The following DIS3 variants were observed in gnomAD, a reference collection of about 807,000 sequenced individuals.
DIS3 encodes the protein exosome complex exonuclease RRP44.
In DIS3, 103 loss-of-function variants were observed where a neutral mutation model predicts 113.0. The observed-to-expected ratio is 0.91, with a 90% CI of 0.78 to 1.07. The LOEUF (loss-of-function observed/expected upper bound fraction) is 1.07. DIS3 is among the 50% of genes least tolerant of loss of function. The pLI, the probability that DIS3 is intolerant of heterozygous loss-of-function variation, is 0.00. For missense variants in DIS3, 1,121 were observed against 1,167.1 expected, an observed-to-expected ratio of 0.96 and a Z score of 0.58; for synonymous variants, 402 against 394.3, an observed-to-expected ratio of 1.02 and a Z score of -0.23.
chr13:72,768,969 A>C (rs2033821624), intron 13 of DIS3, 57 bp from the exon 14 acceptor site: 1 of 1,202,260 alleles, frequency 8.3e-7, no homozygotes, highest in Non-Finnish European at 1.2e-6. Context: ...AATGGTTTTC[A>C]ATATGTCCTC....
chr13:72,775,055 T>C (rs916041554), intron 6 of DIS3, among the ~76,000 whole-genome samples, 156 bp downstream of exon 6: 1 of 152,082 alleles, frequency 6.6e-6, no homozygotes, highest in Non-Finnish European at 1.5e-5. Context: ...GAAAACTACA[T>C]AGAAGAGAAA....
rs2034064656 is a variant in DIS3 at position 72,778,124 on chromosome 13, C to T, written c.580+63G>A. 9.5e-6 allele frequency: 13 copies of T among 1,361,538 alleles called. No homozygotes were observed. The South Asian group carries it at 1.9e-4, about 20-fold the overall frequency. 84.3% of individuals were successfully genotyped at this position (1,361,538 alleles called of 1,614,324 possible). On this transcript the variant is annotated intron_variant, in intron 3 of 20. Coordinates refer to ENST00000377767, the MANE Select transcript of DIS3 (RefSeq NM_014953.5). ...AGTAAAGTGAACATCTGACTATAGG[C>T]CTAATGATTATTTTTACACGCATTT...
Position 72,759,675 on chromosome 13 carries a change from A to G in DIS3, c.*120T>C. On this transcript the variant is annotated 3_prime_UTR_variant, in exon 21 of 21. Transcript: ENST00000377767. ...TGTTCAATAAAAATGCAGATGTCTG[A>G]AATTATTAAAATGTACTTAAAAGTA... The G allele has an allele frequency of 1.4e-6, 1 of 731,372 alleles. No individual in the cohort carries two copies. Among genetic ancestry groups the G allele is most frequent in the Non-Finnish European group, 2.2e-6 (1 of 451,034 alleles). The allele number at this position is 731,372 out of a possible 1,614,324, so 45.3% of individuals were successfully genotyped here. A position where few individuals can be genotyped will look rare whatever the true frequency, so the allele number is the denominator to read the frequency against.
intron 3 of DIS3, 149 bp downstream of exon 3, chr13:72,778,038 G>C: frequency 1.3e-6 from 1 of 773,188 alleles, no homozygotes; most frequent in African/African-American, 1.7e-5. Flanking sequence ...TAAAAACTAT[G>C]TGAAATTTAA....
chr13:72,771,739 G>A (rs1449574521), intron 11 of DIS3, 56 bp downstream of exon 11: 21 of 1,524,206 alleles, frequency 1.4e-5, no homozygotes, highest in Non-Finnish European at 1.7e-5. Context: ...ATTCATGGCC[G>A]TTTAAGAATC....
chr13:72,764,024 C>G (rs1165313460), intron 15 of DIS3, among the ~76,000 whole-genome samples: 1 of 152,018 alleles, frequency 6.6e-6, no homozygotes, highest in East Asian at 1.9e-4. Context: ...TGGTGGCACA[C>G]TCCTGTAGTC....
At position 72,753,773 on chromosome 13, in the gene DIS3, T is replaced by G. The variant is rs778613801; in HGVS notation, c.*6022A>C. The G allele has an allele frequency of 3.7e-6, 6 of 1,613,552 alleles. No homozygotes were observed. The highest frequency in any genetic ancestry group is 1.1e-5 in the South Asian group (1 of 91,060). ...CAGAAAGTTACTGCAAAGAAAGTGA[T>G]GCACAAACATGTGAAGTTGAGAGTA... is the stretch of plus-strand genomic sequence containing the variant. On this transcript the variant is annotated 3_prime_UTR_variant, in exon 21 of 21. Transcript: ENST00000377767.
intron 20 of DIS3, 96 bp downstream of exon 20, chr13:72,760,433 C>T (rs544937159): frequency 1.4e-6 from 2 of 1,478,460 alleles, no homozygotes; most frequent in South Asian, 1.2e-5. Flanking sequence ...TTACAGGGTT[C>T]CCTCTAACAT....
intron 20 of DIS3, 127 bp from the exon 21 acceptor site, chr13:72,760,005 G>T: frequency 1.4e-6 from 1 of 726,966 alleles, no homozygotes; most frequent in South Asian, 1.8e-5. Context: ...GGGAAAGGGG[G>T]CTAATTAAAG....
chr13:72,774,488 C>T (rs1039999663), intron 6 of DIS3, among the ~76,000 whole-genome samples: 10 of 152,006 alleles, frequency 6.6e-5, no homozygotes, highest in Middle Eastern at 6.8e-3. Flanking sequence ...AAGGTTCTTC[C>T]TTATAAAAAA....
chr13:72,762,603 G>C (rs926181878), intron 16 of DIS3, among the ~76,000 whole-genome samples: 11 of 152,146 alleles, frequency 7.2e-5, no homozygotes, highest in African/African-American at 2.7e-4. Flanking sequence ...CTCTCTTCTA[G>C]ATGGGAAGGA....
In DIS3 at chr13:72,768,408, G is replaced by C. The variant is rs148094664; in HGVS notation, c.1883+377C>G. Reference sequence around the variant, plus strand: ...CTCACACCTGTAATCCCAACACTTTGGGAGGCCGAGGCGGCTGGATCACCT... The same window carrying C: ...CTCACACCTGTAATCCCAACACTTTCGGAGGCCGAGGCGGCTGGATCACCT... On this transcript the variant is annotated intron_variant, in intron 14 of 20. Transcript: ENST00000377767. 5.3e-4 allele frequency among the ~76,000 whole-genome samples: 80 copies of C among 152,318 alleles called. 2 individuals carry two copies. In the East Asian group the frequency reaches 0.015, roughly 29 times the overall value.
Position 72,762,060 on chromosome 13 carries a change from A to G in DIS3, c.2205T>C (p.Tyr735=), listed in dbSNP as rs1223311911. ...LDQAESPTFP[Y]LNTLLRILAT... ...CTAATATTCTCAACAGAGTGTTTAG[A>G]TATGGAAAAGTAGGAGATTCGGCCT... Residue 735 remains tyrosine (Y), a synonymous_variant, in exon 17 of 21, where the codon TAT becomes TAC. Coordinates refer to ENST00000377767, the MANE Select transcript of DIS3 (RefSeq NM_014953.5). 1 of 1,613,994 alleles carries G rather than the reference A, an allele frequency of 6.2e-7. No individual in the cohort carries two copies. Among genetic ancestry groups the G allele is most frequent in the Non-Finnish European group, 8.5e-7 (1 of 1,180,030 alleles).
At chr13:72,779,614 A>G (rs1465170980) in intron 2 of DIS3, among the ~76,000 whole-genome samples, 2 of 152,194 alleles carry the variant, frequency 1.3e-5, no homozygotes, top group African/African-American at 4.8e-5. Flanking sequence ...AAGAATCAAG[A>G]AAGTTGAGAT....
chr13:72,777,734 C>T (rs1199334374), intron 3 of DIS3, among the ~76,000 whole-genome samples: 1 of 151,658 alleles, frequency 6.6e-6, no homozygotes, highest in Non-Finnish European at 1.5e-5. Flanking sequence ...ACTATAGTTA[C>T]ATACTACCAT....
intron 2 of DIS3, among the ~76,000 whole-genome samples, chr13:72,780,310 AGT>A (rs1170764080): frequency 8.3e-6 from 1 of 120,656 alleles, no homozygotes; most frequent in East Asian, 2.7e-4. Context: ...TGGGTGACAG[AGT>A]GAGACTCCAT....
At chr13:72,764,069 T>C (rs1324295306) in intron 15 of DIS3, among the ~76,000 whole-genome samples, 2 of 152,186 alleles carry the variant, frequency 1.3e-5, no homozygotes, top group East Asian at 3.9e-4. Flanking sequence ...TGAGAATCAC[T>C]TGAACCCGGG....
At chr13:72,760,473 A>G in intron 20 of DIS3, 56 bp downstream of exon 20, 2 of 1,607,482 alleles carry the variant, frequency 1.2e-6, no homozygotes, top group South Asian at 2.2e-5. Context: ...CCCTTCTTTG[A>G]CAAAATATGT....
chr13:72,773,395 G>A (rs1181689266), intron 8 of DIS3, among the ~76,000 whole-genome samples: 1 of 152,166 alleles, frequency 6.6e-6, no homozygotes, highest in Non-Finnish European at 1.5e-5. Context: ...CTGGGAGGCT[G>A]AGGGTGCAGT....
Sources: allele counts gnomAD v4.1 joint callset (sites outside exome capture counted in the v4.1 genomes callset), GRCh38; gene constraint gnomAD v4.1.1; transcripts MANE v1.5; gene names NCBI Gene and HGNC (gene_info 2026-07-23, HGNC 2026-07-21).